C2orf81: variants seen among roughly 807,000 people sequenced by gnomAD.
The protein encoded by C2orf81 is uncharacterized protein C2orf81.
Under a neutral mutation model 7.9 loss-of-function variants are expected in C2orf81, and 5 were observed. The ratio of observed to expected loss-of-function variants is 0.63; its 90% CI spans 0.33 to 1.33. The LOEUF (loss-of-function observed/expected upper bound fraction) is 1.33, where lower values mean the gene tolerates loss of function less well. C2orf81 is among the 40% of genes most tolerant of loss of function. The pLI, the probability that C2orf81 is intolerant of heterozygous loss-of-function variation, is 0.05. For synonymous variants in C2orf81, 346 were observed against 367.4 expected (o/e 0.94, Z 0.66); for missense variants, 781 against 830.4 (o/e 0.94, Z 0.73).
chr2:74,416,436 T>A (rs1676470133), intron 1 of C2orf81, 195 bp from the exon 2 acceptor site: 1 of 346,886 alleles, frequency 2.9e-6, no homozygotes, highest in South Asian at 2.3e-5. Flanking sequence ...CTAACCACAA[T>A]TGACAGATAA....
chr2:74,415,265 G>T lies in C2orf81; in HGVS notation c.912C>A (p.Tyr304Ter). 2 of 1,551,394 alleles carry T rather than the reference G, an allele frequency of 1.3e-6. No homozygotes were observed. ...LGFHLSLEDL[Y>*]CCMPQLDAAG... ...CCGCGTCCAGTTGAGGCATGCAACA[G>T]TAGAGGTCTTCCAACGACAAATGGA... Residue 304 changes from tyrosine to a stop codon, truncating the protein, a stop_gained, in exon 3 of 3, where the codon TAC becomes TAA. Transcript: ENST00000684111. LOFTEE classifies it low-confidence loss of function (END_TRUNC). This position sits in a 1 kb window ranked among gnomAD's most constrained non-coding sequence, Gnocchi z 5.5.
chr2:74,418,771 G>A (rs2103840139), intron 1 of C2orf81, among the ~76,000 whole-genome samples: 1 of 152,036 alleles, frequency 6.6e-6, no homozygotes, highest in South Asian at 2.1e-4. Flanking sequence ...CAAGTAGGAT[G>A]TAGTGAAGTC....
intron 1 of C2orf81, 60 bp downstream of exon 1, chr2:74,421,483 G>C (rs1372102849): frequency 2.9e-6 from 1 of 349,410 alleles, no homozygotes; most frequent in Admixed American, 4.8e-5. Context: ...CACTGTTCCC[G>C]ACACCGACCT....
chr2:74,414,942 T>C lies in C2orf81; in HGVS notation c.1235A>G (p.Glu412Gly). 1.3e-6 allele frequency: 2 copies of C among 1,546,216 alleles called. No homozygotes were observed. The highest frequency in any genetic ancestry group is 1.7e-6 in the Non-Finnish European group (2 of 1,144,320). ...GGGTTCGGCCCGGGCCTTGGTCTTCTCGCCCCGCTGGCGTCCGCGGTAGGC... is the reference window on the plus strand; with the variant it reads ...GGGTTCGGCCCGGGCCTTGGTCTTCCCGCCCCGCTGGCGTCCGCGGTAGGC... ...LEAYRGRQRG[E>G]KTKARAEPQA... The change falls in exon 3 of 3, where the codon GAG (glutamate) becomes GGG (glycine). Residue 412 changes from glutamate to glycine, a missense_variant. Coordinates refer to ENST00000684111, the MANE Select transcript of C2orf81 (RefSeq NM_001316764.3). The surrounding 1 kb of genome is among the most constrained non-coding windows in gnomAD (Gnocchi z 5.3).
chr2:74,417,479 G>A (rs942998163), intron 1 of C2orf81: 1 of 1,278,216 alleles, frequency 7.8e-7, no homozygotes, highest in Admixed American at 2.3e-5. Flanking sequence ...GGGAGTAGGG[G>A]ACTCACACCC....
Position 74,414,406 on chromosome 2 carries a change from G to A in C2orf81, c.1771C>T (p.Gln591Ter). ...QVLLSSGVPEQEDKEGSTFPP... is the reference protein window; with the variant it reads ...QVLLSSGVPE Reference sequence around the variant, plus strand: ...AAGGTGCTACCTTCTTTGTCCTCTTGTTCAGGCACACCAGAGCTGAGCAAC... The same window carrying A: ...AAGGTGCTACCTTCTTTGTCCTCTTATTCAGGCACACCAGAGCTGAGCAAC... Residue 591 changes from glutamine to a stop codon, truncating the protein, a stop_gained, in exon 3 of 3, where the codon CAA becomes TAA. Coordinates refer to ENST00000684111, the MANE Select transcript of C2orf81 (RefSeq NM_001316764.3). LOFTEE classifies it low-confidence loss of function (END_TRUNC). The surrounding 1 kb of genome is among the most constrained non-coding windows in gnomAD (Gnocchi z 5.3). 1 of 1,546,876 alleles carries A rather than the reference G, an allele frequency of 6.5e-7. No individual in the cohort carries two copies. Among genetic ancestry groups the A allele is most frequent in the Non-Finnish European group, 8.7e-7 (1 of 1,143,922 alleles).
intron 1 of C2orf81, among the ~76,000 whole-genome samples, chr2:74,418,989 T>C (rs1676536645): frequency 6.6e-6 from 1 of 152,026 alleles, no homozygotes; most frequent in South Asian, 2.1e-4. Context: ...GAGACCAGCC[T>C]AGCCAACATG....
intron 1 of C2orf81, among the ~76,000 whole-genome samples, chr2:74,420,421 T>C (rs1676570827): frequency 6.6e-6 from 1 of 152,230 alleles, no homozygotes; most frequent in Non-Finnish European, 1.5e-5. Context: ...TACTTCCAAA[T>C]GTGATCTTCC....
chr2:74,420,948 A>AT (rs112389606), intron 1 of C2orf81, among the ~76,000 whole-genome samples: 8 of 151,246 alleles, frequency 5.3e-5, no homozygotes, highest in Admixed American at 3.9e-4. Flanking sequence ...CATCCAGCTA[A>AT]TTTTTTGTAT....
At chr2:74,419,243 G>A (rs1676540914) in intron 1 of C2orf81, among the ~76,000 whole-genome samples, 1 of 152,058 alleles carries the variant, frequency 6.6e-6, no homozygotes, top group Non-Finnish European at 1.5e-5. Flanking sequence ...AGGCACAGTG[G>A]CGCACACCCA....
chr2:74,418,470 A>G (rs1201871962), intron 1 of C2orf81: 3 of 1,392,976 alleles, frequency 2.2e-6, no homozygotes, highest in Admixed American at 3.4e-5. Context: ...CTAGTTGGAA[A>G]AGTGATGGCT....
chr2:74,420,755 T>TTTTC (rs1466725745), intron 1 of C2orf81, among the ~76,000 whole-genome samples: 2 of 149,878 alleles, frequency 1.3e-5, no homozygotes, highest in African/African-American at 4.9e-5. Flanking sequence ...TTCAAATCCG[T>TTTTC]TTTCTTTCTT....
At position 74,415,624 on chromosome 2, in the gene C2orf81, G is replaced by A; in HGVS notation, c.553C>T (p.Pro185Ser). 6.4e-7 allele frequency: 1 copy of A among 1,551,114 alleles called. No individual in the cohort carries two copies. The highest frequency in any genetic ancestry group is 8.7e-7 in the Non-Finnish European group (1 of 1,146,996). The change falls in exon 3 of 3, where the codon CCC (proline) becomes TCC (serine). Residue 185 changes from proline (P) to serine (S), a missense_variant. Physicochemically the swap from Pro to Ser is moderately conservative, Grantham distance 74 (BLOSUM62 -1). Coordinates refer to ENST00000684111, the MANE Select transcript of C2orf81 (RefSeq NM_001316764.3). This position sits in a 1 kb window ranked among gnomAD's most constrained non-coding sequence, Gnocchi z 5.5. Reference protein sequence around the residue: ...FPTSHCPSAFPQDPGGVDRIP... With the variant: ...FPTSHCPSAFSQDPGGVDRIP... ...CGGTCCACGCCCCCAGGGTCCTGGG[G>A]AAATGCACTCGGGCAGTGAGATGTC...
In C2orf81 at chr2:74,417,270, A is replaced by G. The variant is rs1676492411; in HGVS notation, c.19-1029T>C. The G allele has an allele frequency of 3.9e-6, 3 of 768,832 alleles. No homozygotes were observed. In the Admixed American group the frequency reaches 8.7e-5, roughly 22 times the overall value. 47.6% of individuals were successfully genotyped at this position (768,832 alleles called of 1,614,324 possible). ...GAGTGGGAAGGGTGAGCTCCTTGTTATTGGTGCCCCATCTGAGGAGAGGAA... is the reference window on the plus strand; with the variant it reads ...GAGTGGGAAGGGTGAGCTCCTTGTTGTTGGTGCCCCATCTGAGGAGAGGAA... On this transcript the variant is annotated intron_variant, in intron 1 of 2. Transcript: ENST00000684111.
In C2orf81 at chr2:74,416,004, G is replaced by T; in HGVS notation, c.249+7C>A. The T allele has an allele frequency of 6.5e-7, 1 of 1,549,908 alleles. No individual in the cohort carries two copies. The highest frequency in any genetic ancestry group is 8.7e-7 in the Non-Finnish European group (1 of 1,146,704). On this transcript the variant is annotated splice_region_variant and intron_variant, in intron 2 of 2. Transcript: ENST00000684111. ...GACGAGTCTGAAGGACCCGGATCCCGGCCCACCTGCTGAGTCAGGTAGACT... is the reference window on the plus strand; with the variant it reads ...GACGAGTCTGAAGGACCCGGATCCCTGCCCACCTGCTGAGTCAGGTAGACT...
At chr2:74,418,549 G>A (rs148213870) in intron 1 of C2orf81, 13 of 768,510 alleles carry the variant, frequency 1.7e-5, no homozygotes, top group African/African-American at 5.1e-5. Flanking sequence ...GGTGCTGGGC[G>A]CTGAGGACAG....
At position 74,415,558 on chromosome 2, in the gene C2orf81, C is replaced by T; in HGVS notation, c.619G>A (p.Glu207Lys). 1 of 1,550,572 alleles carries T rather than the reference C, an allele frequency of 6.4e-7. No individual in the cohort carries two copies. The highest frequency in any genetic ancestry group is 8.7e-7 in the Non-Finnish European group (1 of 1,146,406). ...GAAGGCTCCCAAGATTCCATCTGCTCCTGGGAGCCTCGACCCATCCACGAC... is the reference window on the plus strand; with the variant it reads ...GAAGGCTCCCAAGATTCCATCTGCTTCTGGGAGCCTCGACCCATCCACGAC... ...GRSWMGRGSQ[E>K]QMESWEPSPQ... Residue 207 changes from glutamate to lysine, a missense_variant, in exon 3 of 3, where the codon GAG becomes AAG. By Grantham distance (56) the Glu-to-Lys change is moderately conservative. Transcript: ENST00000684111. The surrounding 1 kb of genome is among the most constrained non-coding windows in gnomAD (Gnocchi z 5.5).
chr2:74,415,301 G>T lies in C2orf81; in HGVS notation c.876C>A (p.His292Gln). 1.9e-6 allele frequency: 3 copies of T among 1,550,772 alleles called. No homozygotes were observed. The highest frequency in any genetic ancestry group is 2.6e-6 in the Non-Finnish European group (3 of 1,146,570). ...CCAACGACAAATGGAAGCCGAGGGGGTGTCCCCTCCCAGTTGAGGCCTGGG... is the reference window on the plus strand; with the variant it reads ...CCAACGACAAATGGAAGCCGAGGGGTTGTCCCCTCCCAGTTGAGGCCTGGG... ...ASPQASTGRGHPLGFHLSLED... is the reference protein window; with the variant it reads ...ASPQASTGRGQPLGFHLSLED... Residue 292 changes from histidine (H) to glutamine (Q), a missense_variant, in exon 3 of 3, where the codon CAC becomes CAA. Coordinates refer to ENST00000684111, the MANE Select transcript of C2orf81 (RefSeq NM_001316764.3). The surrounding 1 kb of genome is among the most constrained non-coding windows in gnomAD (Gnocchi z 5.5).
chr2:74,419,684 G>A (rs1279358035), intron 1 of C2orf81, among the ~76,000 whole-genome samples: 3 of 152,156 alleles, frequency 2.0e-5, no homozygotes, highest in East Asian at 1.9e-4. Flanking sequence ...GCAGAATATT[G>A]AAAACATGTC....
Sources: allele counts gnomAD v4.1 joint callset (sites outside exome capture counted in the v4.1 genomes callset), GRCh38; gene constraint gnomAD v4.1.1; non-coding constraint Gnocchi (gnomAD v3.1); transcripts MANE v1.5; gene names NCBI Gene and HGNC (gene_info 2026-07-23, HGNC 2026-07-21).